USP36: variants seen among roughly 807,000 people sequenced by gnomAD.
The protein encoded by USP36 is ubiquitin carboxyl-terminal hydrolase 36.
Under a neutral mutation model 111.5 loss-of-function variants are expected in USP36, and 59 were observed. That is an observed-to-expected ratio of 0.53 (90% CI 0.43 to 0.66). The LOEUF is 0.66. USP36 is among the 30% of genes least tolerant of loss of function. USP36 has a pLI of 0.00. For synonymous variants in USP36, 628 were observed against 581.0 expected, an observed-to-expected ratio of 1.08 and a Z score of -1.16; for missense variants, 1,488 against 1,468.0, an observed-to-expected ratio of 1.01 and a Z score of -0.22.
At chr17:78,807,680 T>C (rs559391852) in intron 13 of USP36, 44 bp from the exon 14 acceptor site, 1 of 1,501,488 alleles carries the variant, frequency 6.7e-7, no homozygotes, top group Non-Finnish European at 8.9e-7. Flanking sequence ...AAGCGAGAAG[T>C]CTCAGCTGGG....
intron 9 of USP36, 81 bp downstream of exon 9, chr17:78,819,849 G>T: frequency 7.0e-7 from 1 of 1,420,568 alleles, no homozygotes; most frequent in Non-Finnish European, 9.9e-7. Context: ...AAGGAAGAGT[G>T]GGTGGGCACA....
intron 13 of USP36, among the ~76,000 whole-genome samples, chr17:78,808,994 C>T (rs2093984790): frequency 6.6e-6 from 1 of 152,150 alleles, no homozygotes; most frequent in African/African-American, 2.4e-5. Flanking sequence ...TGCCAAACTG[C>T]TTTTACTATA....
chr17:78,822,185 C>G (rs2094346268), intron 6 of USP36, among the ~76,000 whole-genome samples, 181 bp from the exon 7 acceptor site: 1 of 152,128 alleles, frequency 6.6e-6, no homozygotes, highest in Non-Finnish European at 1.5e-5. Context: ...GCCTGGCAGT[C>G]TCTCTGCAGA....
At chr17:78,802,738 C>G (rs561079254) in intron 16 of USP36, among the ~76,000 whole-genome samples, 2 of 152,276 alleles carry the variant, frequency 1.3e-5, no homozygotes, top group Non-Finnish European at 2.9e-5. Flanking sequence ...AAACCAGTCG[C>G]GTTTCCCATC....
rs1415580387 is a variant in USP36 at position 78,835,449 on chromosome 17, T to C, written c.306A>G (p.Lys102=). 1.9e-6 allele frequency: 3 copies of C among 1,613,766 alleles called. No individual in the cohort carries two copies. Among genetic ancestry groups the C allele is most frequent in the Non-Finnish European group, 2.5e-6 (3 of 1,179,846 alleles). ...ACAGTCGCTCCGTGGGGAAAAGCACTTTCTGCGGGGCTGGGACTCCGTCAC... is the reference window on the plus strand; with the variant it reads ...ACAGTCGCTCCGTGGGGAAAAGCACCTTCTGCGGGGCTGGGACTCCGTCAC... ...SCGDGVPAPQ[K]VLFPTERLSL... is the part of the protein sequence containing the mutation. Residue 102 remains lysine (K), a synonymous_variant, in exon 4 of 21, where the codon AAA becomes AAG. Transcript: ENST00000449938.
intron 6 of USP36, among the ~76,000 whole-genome samples, chr17:78,825,745 AG>A (rs71365538): frequency 0.025 from 3,735 of 152,268 alleles, 103 homozygotes; most frequent in South Asian, 0.14. Context: ...AGAGCGCTCC[AG>A]GTGGCTGCAC....
At chr17:78,840,173 G>T (rs1347749758) in intron 1 of USP36, among the ~76,000 whole-genome samples, 1 of 152,130 alleles carries the variant, frequency 6.6e-6, no homozygotes, top group African/African-American at 2.4e-5. Flanking sequence ...AAACGGGGGC[G>T]CGCGGAGTCT....
chr17:78,840,543 G>A (rs978229772), intron 1 of USP36, 193 bp downstream of exon 1: 9 of 152,256 alleles, frequency 5.9e-5, no homozygotes, highest in African/African-American at 1.4e-4. Context: ...CTGGAGAAGC[G>A]AGCTCGCGAG....
intron 13 of USP36, among the ~76,000 whole-genome samples, chr17:78,811,046 G>A (rs996126795): frequency 1.3e-5 from 2 of 150,998 alleles, no homozygotes; most frequent in African/African-American, 2.4e-5. Context: ...CCCAAGAGGC[G>A]GAGGCTGCAT....
chr17:78,803,624 G>A lies in USP36; in HGVS notation c.2571C>T (p.Ala857=), dbSNP rs781220749. Residue 857 remains alanine (A), a synonymous_variant, in exon 16 of 21, where the codon GCC becomes GCT. Coordinates refer to ENST00000449938, the MANE Select transcript of USP36 (RefSeq NM_001385174.1). This position sits in a 1 kb window ranked among gnomAD's most constrained non-coding sequence, Gnocchi z 4.6. ...KKKKRPEDTA[A]SALQEGQTQR... is the part of the protein sequence containing the mutation. ...GTGTCTGCCCCTCCTGCAGGGCGCT[G>A]GCAGCTGTGTCCTCCGGGCGCTTCT... 1.2e-6 allele frequency: 2 copies of A among 1,611,742 alleles called. No individual in the cohort carries two copies. Among genetic ancestry groups the A allele is most frequent in the South Asian group, 2.2e-5 (2 of 91,054 alleles).
At position 78,821,939 on chromosome 17, in the gene USP36, C is replaced by G; in HGVS notation, c.755G>C (p.Arg252Pro). 1 of 1,614,144 alleles carries G rather than the reference C, an allele frequency of 6.2e-7. No individual in the cohort carries two copies. Among genetic ancestry groups the G allele is most frequent in the East Asian group, 2.2e-5 (1 of 44,870 alleles). ...HQIFGGYLRS[R>P]VKCSVCKSVS... is the part of the protein sequence containing the mutation. ...GTAGAACAAACGTCTCCACTTACCGCGTGATCTGAGATACCCTCCAAAAAT... is the reference window on the plus strand; with the variant it reads ...GTAGAACAAACGTCTCCACTTACCGGGTGATCTGAGATACCCTCCAAAAAT... Residue 252 changes from arginine (R) to proline (P), a missense_variant and splice_region_variant, in exon 7 of 21, where the codon CGC (arginine) becomes CCC (proline). Arg to Pro is a moderately radical substitution (Grantham distance 103). Transcript: ENST00000449938.
At chr17:78,792,890 A>G (rs1241514978), downstream of USP36, among the ~76,000 whole-genome samples, 1 of 151,918 alleles carries the variant, frequency 6.6e-6, no homozygotes, top group Non-Finnish European at 1.5e-5. Context: ...TAATTTTTGT[A>G]TTTTTAGTAG....
At chr17:78,789,217 A>C (rs2093561974) in intron 3 of USP36, among the ~76,000 whole-genome samples, 1 of 151,092 alleles carries the variant, frequency 6.6e-6, no homozygotes. Flanking sequence ...AAAAAAAAAA[A>C]AAAGGAGATG....
At chr17:78,819,463 T>G (rs2094266770) in intron 9 of USP36, among the ~76,000 whole-genome samples, 1 of 152,190 alleles carries the variant, frequency 6.6e-6, no homozygotes, top group African/African-American at 2.4e-5. Flanking sequence ...CGGAAAAATG[T>G]CCAAAACCAG....
At position 78,814,569 on chromosome 17, in the gene USP36, G is replaced by T; in HGVS notation, c.1024-17C>A. Reference sequence around the variant, plus strand: ...GCCTACATCCTGTTTGAAAAATCAAGGAAAAGACAAATAAAATTCACTTTG... The same window carrying T: ...GCCTACATCCTGTTTGAAAAATCAATGAAAAGACAAATAAAATTCACTTTG... On this transcript the variant is annotated splice_polypyrimidine_tract_variant and intron_variant, in intron 10 of 20. Coordinates refer to ENST00000449938, the MANE Select transcript of USP36 (RefSeq NM_001385174.1). 1 of 1,606,048 alleles carries T rather than the reference G, an allele frequency of 6.2e-7. No homozygotes were observed. The highest frequency in any genetic ancestry group is 1.1e-5 in the South Asian group (1 of 90,540).
intron 13 of USP36, among the ~76,000 whole-genome samples, chr17:78,808,854 T>C (rs1051660178): frequency 2.6e-5 from 4 of 152,100 alleles, no homozygotes; most frequent in Admixed American, 6.5e-5. Context: ...ATAGAGTCGG[T>C]GCTTAAAAAA....
chr17:78,803,975 A>G lies in USP36; in HGVS notation c.2220T>C (p.Ala740=). ...ASTWPVHRAR[A]VSPAPQSSSR... ...TGGATGATTGGGGAGCAGGTGACACAGCCCTGTGGGGACAGCCAGGAAACA... is the reference window on the plus strand; with the variant it reads ...TGGATGATTGGGGAGCAGGTGACACGGCCCTGTGGGGACAGCCAGGAAACA... Residue 740 remains alanine, a synonymous_variant, in exon 16 of 21, where the codon GCT becomes GCC. Transcript: ENST00000449938. This position sits in a 1 kb window ranked among gnomAD's most constrained non-coding sequence, Gnocchi z 4.6. The G allele has an allele frequency of 6.3e-7, 1 of 1,584,206 alleles. No homozygotes were observed. Among genetic ancestry groups the G allele is most frequent in the Non-Finnish European group, 8.6e-7 (1 of 1,168,392 alleles).
At chr17:78,815,808 A>C (rs995991127) in intron 10 of USP36, among the ~76,000 whole-genome samples, 7 of 151,484 alleles carry the variant, frequency 4.6e-5, no homozygotes, top group Non-Finnish European at 8.8e-5. Context: ...GCATACATAC[A>C]TCGTATACAC....
At chr17:78,793,579 A>G (rs2093600412), downstream of USP36, among the ~76,000 whole-genome samples, 2 of 152,104 alleles carry the variant, frequency 1.3e-5, no homozygotes, top group African/African-American at 4.8e-5. Flanking sequence ...AGCTGACAAG[A>G]CACAGAAAGC....
Sources: gnomAD v4.1 joint callset for allele counts (sites outside exome capture counted in the v4.1 genomes callset) on GRCh38, gnomAD v4.1.1 for gene constraint, Gnocchi (gnomAD v3.1) non-coding constraint, MANE v1.5 for transcripts, NCBI Gene and HGNC (gene_info 2026-07-23, HGNC 2026-07-21) for gene names.